BCL7B: variants seen among roughly 807,000 people sequenced by gnomAD.
BCL7B encodes BAF chromatin remodeling complex subunit BCL7B.
BCL7B carries 11 observed loss-of-function variants against 26.5 expected under a neutral mutation model. The ratio of observed to expected loss-of-function variants is 0.42; its 90% CI spans 0.26 to 0.69. The LOEUF is 0.69. Ranked by LOEUF, BCL7B falls within the 30% of genes least tolerant of loss-of-function variation. The pLI, the probability that BCL7B is intolerant of heterozygous loss-of-function variation, is 0.28. For missense variants in BCL7B, 215 were observed against 264.4 expected (o/e 0.81, Z 1.30); for synonymous variants, 111 against 107.9 (o/e 1.03, Z -0.18).
In BCL7B at chr7:73,537,401, G is replaced by A; in HGVS notation, c.517-11C>T. ...CTCTTCCTCAACGACCTAGGAGCAG[G>A]CAGAGCATGGAATGCCAGGGCCACC... is the stretch of plus-strand genomic sequence containing the variant. On this transcript the variant is annotated splice_polypyrimidine_tract_variant and intron_variant, in intron 5 of 5. Transcript: ENST00000223368. 1.2e-6 allele frequency: 2 copies of A among 1,612,404 alleles called. No homozygotes were observed. The highest frequency in any genetic ancestry group is 8.5e-7 in the Non-Finnish European group (1 of 1,178,756).
intron 4 of BCL7B, among the ~76,000 whole-genome samples, chr7:73,539,414 A>G (rs1038715665): frequency 1.3e-5 from 2 of 150,200 alleles, no homozygotes; most frequent in Non-Finnish European, 3.0e-5. Context: ...ACCACGCCCA[A>G]CTAAATTTTT....
chr7:73,546,571 G>A (rs1583993876), intron 2 of BCL7B, among the ~76,000 whole-genome samples: 1 of 151,980 alleles, frequency 6.6e-6, no homozygotes, highest in East Asian at 1.9e-4. Context: ...AGGAGGCTGA[G>A]GCAGTAGAAT....
At position 73,537,179 on chromosome 7, in the gene BCL7B, A is replaced by G; in HGVS notation, c.*119T>C. The G allele has an allele frequency of 1.1e-6, 1 of 876,778 alleles. No homozygotes were observed. Among genetic ancestry groups the G allele is most frequent in the Non-Finnish European group, 1.8e-6 (1 of 554,598 alleles). 54.3% of individuals were successfully genotyped at this position (876,778 alleles called of 1,614,324 possible). A position where few individuals can be genotyped will look rare whatever the true frequency, so the allele number is the denominator to read the frequency against. ...TCCTACGCCAGCCTTCCAGCCCGGA[A>G]GGCTCATGTGTGCAGGCTCTTGACC... On this transcript the variant is annotated 3_prime_UTR_variant, in exon 6 of 6. Transcript: ENST00000223368.
chr7:73,543,476 C>T, intron 3 of BCL7B, 72 bp downstream of exon 3: 2 of 1,434,380 alleles, frequency 1.4e-6, no homozygotes, highest in Admixed American at 1.7e-5. Flanking sequence ...CTGCACCTGG[C>T]CAATTCTTCT....
At chr7:73,543,739 T>A in intron 2 of BCL7B, 95 bp from the exon 3 acceptor site, 1 of 989,824 alleles carries the variant, frequency 1.0e-6, no homozygotes, top group Non-Finnish European at 1.6e-6. Flanking sequence ...GAGGTCTGGA[T>A]TAGGACTGAA....
In BCL7B at chr7:73,537,195, G is replaced by C. The variant is rs1791565537; in HGVS notation, c.*103C>G. On this transcript the variant is annotated 3_prime_UTR_variant, in exon 6 of 6. Coordinates refer to ENST00000223368, the MANE Select transcript of BCL7B (RefSeq NM_001707.4). ...CAGCCCGGAAGGCTCATGTGTGCAG[G>C]CTCTTGACCCCAGTGCTTGCCCTTA... 2 of 1,104,456 alleles carry C rather than the reference G, an allele frequency of 1.8e-6. No homozygotes were observed. Among genetic ancestry groups the C allele is most frequent in the Admixed American group, 1.9e-5 (1 of 53,570 alleles). 68.4% of individuals were successfully genotyped at this position (1,104,456 alleles called of 1,614,324 possible).
intron 2 of BCL7B, among the ~76,000 whole-genome samples, chr7:73,544,974 G>A (rs370154122): frequency 9.2e-5 from 14 of 151,836 alleles, no homozygotes; most frequent in African/African-American, 2.2e-4. Context: ...TGGGAGGATC[G>A]CTTGAGCCTG....
rs1791568963 is a variant in BCL7B, at chr7:73,537,242, A to T, written c.*56T>A. Reference sequence around the variant, plus strand: ...CTTACCCCAGCAACGCGGCGCGGCCAGAACCAGAATGCAATAAATAGAGGC... The same window carrying T: ...CTTACCCCAGCAACGCGGCGCGGCCTGAACCAGAATGCAATAAATAGAGGC... On this transcript the variant is annotated 3_prime_UTR_variant, in exon 6 of 6. Transcript: ENST00000223368. The T allele has an allele frequency of 6.4e-7, 1 of 1,574,330 alleles. No individual in the cohort carries two copies. Among genetic ancestry groups the T allele is most frequent in the Admixed American group, 1.7e-5 (1 of 59,660 alleles).
intron 3 of BCL7B, chr7:73,542,939 C>T (rs374914604): frequency 4.9e-6 from 2 of 407,098 alleles, no homozygotes; most frequent in South Asian, 3.5e-5. Flanking sequence ...AAATGAAGTA[C>T]AATCTAAAAA....
At chr7:73,538,711 T>C (rs1554582430) in intron 4 of BCL7B, among the ~76,000 whole-genome samples, 2 of 147,960 alleles carry the variant, frequency 1.4e-5, no homozygotes, top group African/African-American at 2.5e-5. Flanking sequence ...TACTACGGAG[T>C]CTGAGGCAAG....
chr7:73,540,238 T>A, intron 3 of BCL7B, 186 bp from the exon 4 acceptor site: 2 of 614,544 alleles, frequency 3.3e-6, no homozygotes, highest in South Asian at 4.1e-5. Context: ...TCTTTATGTT[T>A]ATGCAACATT....
At chr7:73,544,211 A>G (rs1791875155) in intron 2 of BCL7B, among the ~76,000 whole-genome samples, 1 of 152,090 alleles carries the variant, frequency 6.6e-6, no homozygotes, top group African/African-American at 2.4e-5. Context: ...ACCTGAGGTC[A>G]GGAGTTCAAG....
Position 73,557,628 on chromosome 7 carries a change from G to A in BCL7B, c.-50C>T, listed in dbSNP as rs1156280320. The A allele has an allele frequency of 1.8e-6, 2 of 1,112,624 alleles. No individual in the cohort carries two copies. The highest frequency in any genetic ancestry group is 4.1e-5 in the East Asian group (1 of 24,500). 68.9% of individuals were successfully genotyped at this position (1,112,624 alleles called of 1,614,324 possible). ...CGGGGCACTGCTCCCAAGACACCGG[G>A]GATCGCGCGCCTCACGCGCCGCCGC... On this transcript the variant is annotated 5_prime_UTR_variant, in exon 1 of 6. Coordinates refer to ENST00000223368, the MANE Select transcript of BCL7B (RefSeq NM_001707.4).
At position 73,557,603 on chromosome 7, in the gene BCL7B, C is replaced by T. The variant is rs1199646286; in HGVS notation, c.-25G>A. The T allele has an allele frequency of 5.9e-5, 73 of 1,243,910 alleles. No homozygotes were observed. The highest frequency in any genetic ancestry group is 6.5e-5 in the Non-Finnish European group (64 of 977,578). The allele number at this position is 1,243,910 out of a possible 1,614,324, so 77.1% of individuals were successfully genotyped here. On this transcript the variant is annotated 5_prime_UTR_variant, in exon 1 of 6. Coordinates refer to ENST00000223368, the MANE Select transcript of BCL7B (RefSeq NM_001707.4). ...TGGCGGCGGCGGGAGCGGCGGGGGC[C>T]GGGGCACTGCTCCCAAGACACCGGG...
In BCL7B at chr7:73,557,569, G is replaced by T; in HGVS notation, c.10C>A (p.Arg4=). The T allele has an allele frequency of 7.4e-7, 1 of 1,342,510 alleles. No individual in the cohort carries two copies. Among genetic ancestry groups the T allele is most frequent in the Non-Finnish European group, 9.7e-7 (1 of 1,034,294 alleles). 83.2% of individuals were successfully genotyped at this position (1,342,510 alleles called of 1,614,324 possible). A position where few individuals can be genotyped will look rare whatever the true frequency, so the allele number is the denominator to read the frequency against. The change falls in exon 1 of 6, where the codon CGG becomes AGG. Residue 4 remains arginine (R), a synonymous_variant. Transcript: ENST00000223368. MSG[R]SVRAETRSRA... The stretch of plus-strand genomic sequence containing the variant: ...CTGCGGGTCTCCGCCCGGACCGACC[G>T]GCCCGACATGGCGGCGGCGGGAGCG...
At chr7:73,552,294 G>T in intron 1 of BCL7B, 52 bp from the exon 2 acceptor site, 1 of 1,429,460 alleles carries the variant, frequency 7.0e-7, no homozygotes, top group Non-Finnish European at 9.8e-7. Context: ...TGTGTTTTCT[G>T]TTCATCACTT....
At chr7:73,555,646 C>G (rs1238128221) in intron 1 of BCL7B, among the ~76,000 whole-genome samples, 1 of 152,050 alleles carries the variant, frequency 6.6e-6, no homozygotes, top group African/African-American at 2.4e-5. Context: ...TGGGAAAGAG[C>G]CAGCCAAGTG....
intron 2 of BCL7B, among the ~76,000 whole-genome samples, chr7:73,544,419 CATAAA>C (rs1791882141): frequency 6.7e-6 from 1 of 150,018 alleles, no homozygotes; most frequent in African/African-American, 2.5e-5. Context: ...TCTAAAAAAA[CATAAA>C]ATAAAACAAA....
chr7:73,557,624 C>A lies in BCL7B; in HGVS notation c.-46G>T, dbSNP rs1335606837. ...GGGCCGGGGCACTGCTCCCAAGACA[C>A]CGGGGATCGCGCGCCTCACGCGCCG... On this transcript the variant is annotated 5_prime_UTR_variant, in exon 1 of 6. Coordinates refer to ENST00000223368, the MANE Select transcript of BCL7B (RefSeq NM_001707.4). 3 of 1,124,220 alleles carry A rather than the reference C, an allele frequency of 2.7e-6. No homozygotes were observed. The highest frequency in any genetic ancestry group is 3.3e-5 in the African/African-American group (2 of 60,572). 69.6% of individuals were successfully genotyped at this position (1,124,220 alleles called of 1,614,324 possible). A position where few individuals can be genotyped will look rare whatever the true frequency, so the allele number is the denominator to read the frequency against.
Sources: allele counts gnomAD v4.1 joint callset (sites outside exome capture counted in the v4.1 genomes callset), GRCh38; gene constraint gnomAD v4.1.1; transcripts MANE v1.5; gene names NCBI Gene and HGNC (gene_info 2026-07-23, HGNC 2026-07-21).